The following ZNF609 variants were observed in gnomAD, a reference collection of about 807,000 sequenced individuals.
The protein encoded by ZNF609 is zinc finger protein 609.
A neutral mutation model predicts 109.5 loss-of-function variants in ZNF609; 11 were observed. That is an observed-to-expected ratio of 0.10 (90% CI 0.06 to 0.17). ZNF609 has a LOEUF of 0.17. ZNF609 is among the 10% of genes least tolerant of loss of function. The pLI is 1.00. For missense variants in ZNF609, 1,559 were observed against 1,772.4 expected (o/e 0.88, Z 2.16); for synonymous variants, 646 against 662.0 (o/e 0.98, Z 0.37).
intron 2 of ZNF609, among the ~76,000 whole-genome samples, chr15:64,542,777 T>C (rs531554055): frequency 8.5e-5 from 13 of 152,348 alleles, no homozygotes; most frequent in African/African-American, 3.1e-4. Context: ...CCACTTTCTC[T>C]GCCTTAGTTG....
chr15:64,584,895 G>A (rs749752931), intron 2 of ZNF609, among the ~76,000 whole-genome samples: 3 of 150,888 alleles, frequency 2.0e-5, no homozygotes, highest in Non-Finnish European at 4.4e-5. Flanking sequence ...CCAAAGTGCT[G>A]GGATTACAGG....
At chr15:64,530,512 A>G (rs182716355) in intron 2 of ZNF609, among the ~76,000 whole-genome samples, 1 of 152,350 alleles carries the variant, frequency 6.6e-6, no homozygotes. Flanking sequence ...TGTGCTAAGT[A>G]TAATACTTGA....
At chr15:64,617,329 TA>T (rs774259983) in intron 2 of ZNF609, among the ~76,000 whole-genome samples, 472 of 139,200 alleles carry the variant, frequency 3.4e-3, no homozygotes, top group Middle Eastern at 7.4e-3. Context: ...GCCAAAAAAT[TA>T]AAAAAAAAAA....
At chr15:64,530,704 T>G (rs923471074) in intron 2 of ZNF609, among the ~76,000 whole-genome samples, 1 of 152,214 alleles carries the variant, frequency 6.6e-6, no homozygotes, top group Non-Finnish European at 1.5e-5. Flanking sequence ...GAGTTTGAAT[T>G]TATTTAATGG....
In ZNF609 at chr15:64,675,696, A is replaced by G; in HGVS notation, c.2842A>G (p.Lys948Glu). 1 of 1,607,618 alleles carries G rather than the reference A, an allele frequency of 6.2e-7. No homozygotes were observed. Among genetic ancestry groups the G allele is most frequent in the Non-Finnish European group, 8.5e-7 (1 of 1,175,456 alleles). ...GAAGAACGATATCTGTGAAGAAAAG[A>G]AGCCCGAGCTGAGCAGTTCCAGTCA... The part of the protein sequence containing the change: ...KVKNDICEEK[K>E]PELSSSSQQP... Residue 948 changes from lysine to glutamate, a missense_variant, in exon 5 of 10, where the codon AAG becomes GAG. Physicochemically the swap from Lys to Glu is moderately conservative, Grantham distance 56. This residue lies in a region of ZNF609 where 1,204 missense variants were observed against 1,314.1 expected (regional missense o/e 0.92). Transcript: ENST00000326648.
intron 3 of ZNF609, among the ~76,000 whole-genome samples, chr15:64,623,850 C>G (rs1895913595): frequency 6.6e-6 from 1 of 152,288 alleles, no homozygotes; most frequent in South Asian, 2.1e-4. Context: ...AATCCAAATC[C>G]TTGTCAGAGT....
At position 64,675,306 on chromosome 15, in the gene ZNF609, C is replaced by T; in HGVS notation, c.2452C>T (p.Pro818Ser). The T allele has an allele frequency of 6.2e-7, 1 of 1,614,090 alleles. No homozygotes were observed. Among genetic ancestry groups the T allele is most frequent in the African/African-American group, 1.3e-5 (1 of 75,034 alleles). Residue 818 changes from proline to serine, a missense_variant, in exon 5 of 10, where the codon CCT becomes TCT. By Grantham distance (74) the Pro-to-Ser change is moderately conservative. Around this residue, in one of 4 missense-constraint regions of ZNF609, gnomAD observed 1,204 missense variants for 1,314.1 expected, o/e 0.92. Transcript: ENST00000326648. ...GGSSRLENTTPTQPLTPLHVV... is the reference protein window; with the variant it reads ...GGSSRLENTTSTQPLTPLHVV... ...CAGTAGCCGCCTTGAAAACACTACC[C>T]CTACTCAGCCCCTGACTCCCTTACA...
intron 2 of ZNF609, among the ~76,000 whole-genome samples, chr15:64,577,020 A>G (rs566599085): frequency 8.2e-6 from 1 of 121,890 alleles, no homozygotes; most frequent in African/African-American, 2.9e-5. Flanking sequence ...ATGTATACAC[A>G]TAAATATATA....
At position 64,499,743 on chromosome 15, in the gene ZNF609, G is replaced by A; in HGVS notation, c.324G>A (p.Leu108=). ...DTSKPTPGTS[L]FTPSEGAASK... ...GCAAACCCACTCCAGGGACTTCCCT[G>A]TTCACTCCAAGTGAGGGGGCAGCTA... The change falls in exon 2 of 10, where the codon CTG becomes CTA. Residue 108 remains leucine (L), a synonymous_variant. Coordinates refer to ENST00000326648, the MANE Select transcript of ZNF609 (RefSeq NM_015042.2). The A allele has an allele frequency of 6.2e-7, 1 of 1,614,078 alleles. No homozygotes were observed. Among genetic ancestry groups the A allele is most frequent in the East Asian group, 2.2e-5 (1 of 44,890 alleles).
chr15:64,638,909 AAAATT>A (rs1331654852), intron 3 of ZNF609, among the ~76,000 whole-genome samples: 1 of 152,066 alleles, frequency 6.6e-6, no homozygotes, highest in Non-Finnish European at 1.5e-5. Context: ...TAAATAAAAT[AAAATT>A]AAATTAAAAA....
intron 2 of ZNF609, among the ~76,000 whole-genome samples, chr15:64,596,316 G>A (rs893133284): frequency 6.6e-6 from 1 of 152,018 alleles, no homozygotes; most frequent in Admixed American, 6.6e-5. Context: ...ACCATGCCCG[G>A]CTAATTTTTT....
intron 1 of ZNF609, among the ~76,000 whole-genome samples, chr15:64,473,281 C>CGCA (rs934345397): frequency 3.4e-5 from 5 of 148,674 alleles, no homozygotes; most frequent in African/African-American, 1.3e-4. Context: ...TCACTGCAAC[C>CGCA]TCTGCCTCCT....
chr15:64,559,602 A>T (rs1322318049), intron 2 of ZNF609, among the ~76,000 whole-genome samples: 1 of 152,220 alleles, frequency 6.6e-6, no homozygotes, highest in Admixed American at 6.5e-5. Flanking sequence ...ATAGCCTTCT[A>T]GAGAACCTCA....
intron 3 of ZNF609, among the ~76,000 whole-genome samples, chr15:64,667,233 A>G (rs1445647964): frequency 1.3e-5 from 2 of 152,238 alleles, no homozygotes; most frequent in Non-Finnish European, 1.5e-5. Context: ...AGGTTTTCTA[A>G]CTCCATGTCC....
At chr15:64,591,055 C>T (rs889245797) in intron 2 of ZNF609, among the ~76,000 whole-genome samples, 2 of 152,060 alleles carry the variant, frequency 1.3e-5, no homozygotes, top group African/African-American at 4.8e-5. Flanking sequence ...CCTTAAAGGC[C>T]GGGCATGCTC....
chr15:64,485,273 G>C (rs1893316540), intron 1 of ZNF609, among the ~76,000 whole-genome samples: 1 of 152,080 alleles, frequency 6.6e-6, no homozygotes, highest in African/African-American at 2.4e-5. Context: ...ATAATGTCAA[G>C]TGATGAAAAG....
intron 3 of ZNF609, among the ~76,000 whole-genome samples, chr15:64,648,481 G>T (rs555369698): frequency 2.0e-5 from 3 of 152,240 alleles, no homozygotes; most frequent in African/African-American, 7.2e-5. Flanking sequence ...GACAGAGTGA[G>T]ACTTAACCTC....
intron 2 of ZNF609, among the ~76,000 whole-genome samples, chr15:64,505,770 A>G (rs1893627292): frequency 6.6e-6 from 1 of 152,146 alleles, no homozygotes; most frequent in Admixed American, 6.5e-5. Flanking sequence ...TTTCCTTTCA[A>G]GGTAAGTATT....
chr15:64,492,670 C>T (rs1016448831), intron 1 of ZNF609, among the ~76,000 whole-genome samples: 2 of 152,218 alleles, frequency 1.3e-5, no homozygotes, highest in African/African-American at 4.8e-5. Flanking sequence ...TCGTGAGGTG[C>T]TGTACCCAGC....
Sources: allele counts gnomAD v4.1 joint callset (sites outside exome capture counted in the v4.1 genomes callset), GRCh38; gene constraint gnomAD v4.1.1; regional missense constraint gnomAD v4.1.1; transcripts MANE v1.5; gene names NCBI Gene and HGNC (gene_info 2026-07-23, HGNC 2026-07-21).